Variants in CDH4 observed in about 807,000 individuals in gnomAD.
CDH4 encodes cadherin 4, also known as cadherin-4.
CDH4 carries 33 observed loss-of-function variants against 86.0 expected under a neutral mutation model. That is an observed-to-expected ratio of 0.38 (90% CI 0.29 to 0.51). The LOEUF is 0.51. Among genes scored for constraint, CDH4 ranks in the 20% least tolerant of loss-of-function variants. CDH4 has a pLI of 0.86. For synonymous variants in CDH4, 555 were observed against 549.4 expected (o/e 1.01, Z -0.14); for missense variants, 1,114 against 1,307.4 (o/e 0.85, Z 2.28).
chr20:61,459,849 A>G (rs1389931067), intron 2 of CDH4, among the ~76,000 whole-genome samples: 1 of 151,664 alleles, frequency 6.6e-6, no homozygotes, highest in Non-Finnish European at 1.5e-5. Flanking sequence ...AGCTCCTTGA[A>G]CCCACACACC....
chr20:61,451,112 TC>T (rs1457895005), intron 2 of CDH4, among the ~76,000 whole-genome samples: 1 of 109,150 alleles, frequency 9.2e-6, no homozygotes, highest in Non-Finnish European at 1.8e-5. Context: ...GCTTTTTCCC[TC>T]CCTCTCACGC....
chr20:61,375,688 A>G (rs1403032684), intron 2 of CDH4, among the ~76,000 whole-genome samples: 5 of 128,298 alleles, frequency 3.9e-5, no homozygotes, highest in Admixed American at 2.3e-4. Context: ...TGGTAGTGTG[A>G]TGGTCTTGGT....
chr20:61,701,108 C>T (rs529606144), intron 2 of CDH4, among the ~76,000 whole-genome samples: 1 of 152,188 alleles, frequency 6.6e-6, no homozygotes. Flanking sequence ...CCAGGCCTCT[C>T]TCCTCGGCTT....
chr20:61,796,440 C>T (rs7261632), intron 4 of CDH4, among the ~76,000 whole-genome samples: 22,260 of 152,148 alleles, frequency 0.15, 1,731 homozygotes, highest in East Asian at 0.24. Context: ...CCCCCAGCCC[C>T]GCGTCCTACA....
chr20:61,681,787 C>T lies in CDH4; in HGVS notation c.170-61776C>T, dbSNP rs1446841943. Reference sequence around the variant, plus strand: ...TGTGTTCTCAGGCCCGTGCAGCTGACATTCCTTTGGCTTCCTGGTGATGGA... The same window carrying T: ...TGTGTTCTCAGGCCCGTGCAGCTGATATTCCTTTGGCTTCCTGGTGATGGA... On this transcript the variant is annotated intron_variant, in intron 2 of 15. Transcript: ENST00000614565. This position sits in a 1 kb window ranked among gnomAD's most constrained non-coding sequence, Gnocchi z 4.5. 1.3e-5 allele frequency among the ~76,000 whole-genome samples: 2 copies of T among 152,192 alleles called. No individual in the cohort carries two copies. Among genetic ancestry groups the T allele is most frequent in the African/African-American group, 2.4e-5 (1 of 41,456 alleles).
chr20:61,488,491 G>A (rs1234962591), intron 2 of CDH4, among the ~76,000 whole-genome samples: 1 of 152,188 alleles, frequency 6.6e-6, no homozygotes, highest in Non-Finnish European at 1.5e-5. Flanking sequence ...TGTTTCCACT[G>A]GAGTGAATTA....
At chr20:61,358,417 C>CAT (rs903917495) in intron 2 of CDH4, among the ~76,000 whole-genome samples, 4 of 152,224 alleles carry the variant, frequency 2.6e-5, no homozygotes, top group African/African-American at 9.6e-5. Flanking sequence ...ATTTCTTTGC[C>CAT]ATATCCCCAA....
intron 2 of CDH4, among the ~76,000 whole-genome samples, chr20:61,256,149 G>A (rs2084096780): frequency 1.3e-5 from 2 of 152,122 alleles, no homozygotes; most frequent in East Asian, 3.9e-4. Flanking sequence ...TTTCAGGATC[G>A]TTTGGTTTAC....
chr20:61,635,139 C>T lies in CDH4; in HGVS notation c.170-108424C>T, dbSNP rs369531672. On this transcript the variant is annotated intron_variant, in intron 2 of 15. Transcript: ENST00000614565. ...CTCTCTTCGGGTCCTGCTTCCTGTT[C>T]CTTACGATGTCTGCTGAGAAGTTGA... is the stretch of plus-strand genomic sequence containing the variant. Among the ~76,000 whole-genome samples, 197 of 152,206 alleles carry T rather than the reference C, an allele frequency of 1.3e-3. 5 individuals carry two copies. In the South Asian group the frequency reaches 0.037, roughly 29 times the overall value.
chr20:61,595,711 GGCC>G (rs1194597663), intron 2 of CDH4, among the ~76,000 whole-genome samples: 18 of 152,148 alleles, frequency 1.2e-4, no homozygotes, highest in Admixed American at 1.2e-3. Flanking sequence ...TACTAGAGGC[GGCC>G]CGTCTGTCTA....
At chr20:61,442,123 A>G (rs1034423928) in intron 2 of CDH4, among the ~76,000 whole-genome samples, 1 of 152,200 alleles carries the variant, frequency 6.6e-6, no homozygotes, top group Non-Finnish European at 1.5e-5. Flanking sequence ...AAGTGCATCT[A>G]TTTAGCATGA....
rs575719272 is a variant in CDH4, at chr20:61,370,328, C to G, written c.169+115391C>G. Reference sequence around the variant, plus strand: ...CCTCTGCATGCCTTCAAGGAGCTCCCGGCTCTGGGATCCATGCAGAGGAGA... The same window carrying G: ...CCTCTGCATGCCTTCAAGGAGCTCCGGGCTCTGGGATCCATGCAGAGGAGA... On this transcript the variant is annotated intron_variant, in intron 2 of 15. Transcript: ENST00000614565. 3.3e-5 allele frequency: 5 copies of G among 152,434 alleles called. No homozygotes were observed. The East Asian group carries it at 9.7e-4, about 29-fold the overall frequency. The allele number at this position is 152,434 out of a possible 1,614,324, so 9.4% of individuals were successfully genotyped here. A position where few individuals can be genotyped will look rare whatever the true frequency, so the allele number is the denominator to read the frequency against.
At chr20:61,599,925 C>CT (rs1173694071) in intron 2 of CDH4, 115 of 985,372 alleles carry the variant, frequency 1.2e-4, no homozygotes, top group Non-Finnish European at 1.3e-4. Context: ...GGAAGGAGTC[C>CT]CAGCCACAGG....
chr20:61,324,533 GC>G (rs1352439539), intron 2 of CDH4, among the ~76,000 whole-genome samples: 2 of 152,058 alleles, frequency 1.3e-5, no homozygotes, highest in Admixed American at 1.3e-4. Flanking sequence ...TCATCACGTG[GC>G]CTCTTCCTGG....
At chr20:61,726,083 C>T (rs1057157670) in intron 2 of CDH4, among the ~76,000 whole-genome samples, 1 of 151,988 alleles carries the variant, frequency 6.6e-6, no homozygotes, top group Non-Finnish European at 1.5e-5. Context: ...CCAGCCACCA[C>T]GACCAGGGCC....
In CDH4 at chr20:61,854,552, C is replaced by G. The variant is rs376117870; in HGVS notation, c.877+1654C>G. Among the ~76,000 whole-genome samples the G allele has an allele frequency of 4.0e-5, 4 of 101,124 alleles. No individual in the cohort carries two copies. In the Admixed American group the frequency reaches 4.1e-4, roughly 10 times the overall value. The allele number at this position is 101,124 out of a possible 152,430, so 66.3% of individuals were successfully genotyped here. A position where few individuals can be genotyped will look rare whatever the true frequency, so the allele number is the denominator to read the frequency against. Reference sequence around the variant, plus strand: ...TGAACAGGGTGAATTGTGCCTTTGGCCCACCCCCAGGGCTGCAGTGTGAAC... The same window carrying G: ...TGAACAGGGTGAATTGTGCCTTTGGGCCACCCCCAGGGCTGCAGTGTGAAC... On this transcript the variant is annotated intron_variant, in intron 6 of 15. Coordinates refer to ENST00000614565, the MANE Select transcript of CDH4 (RefSeq NM_001794.5).
Position 61,936,888 on chromosome 20 carries a change from G to T in CDH4, c.2696G>T (p.Trp899Leu). The T allele has an allele frequency of 6.2e-7, 1 of 1,602,120 alleles. No individual in the cohort carries two copies. Among genetic ancestry groups the T allele is most frequent in the Non-Finnish European group, 8.5e-7 (1 of 1,174,474 alleles). Residue 899 changes from tryptophan (W) to leucine (L), a missense_variant, in exon 16 of 16, where the codon TGG (tryptophan) becomes TTG (leucine). By Grantham distance (61) the Trp-to-Leu change is moderately conservative. Around this residue, in one of 3 missense-constraint regions of CDH4, gnomAD observed 188 missense variants for 183.8 expected, o/e 1.02. Coordinates refer to ENST00000614565, the MANE Select transcript of CDH4 (RefSeq NM_001794.5). ...CAAGACTACGATTACCTCAACGACT[G>T]GGGGCCCAGATTCAAGAAGCTGGCG... ...GDQDYDYLNDWGPRFKKLADM... is the reference protein window; with the variant it reads ...GDQDYDYLNDLGPRFKKLADM...
At chr20:61,783,335 A>G (rs1978646628) in intron 4 of CDH4, among the ~76,000 whole-genome samples, 1 of 152,250 alleles carries the variant, frequency 6.6e-6, no homozygotes, top group Non-Finnish European at 1.5e-5. Flanking sequence ...ATTTTTGCCC[A>G]CAACCTTTCC....
intron 2 of CDH4, among the ~76,000 whole-genome samples, chr20:61,455,610 C>T (rs1488980562): frequency 6.6e-6 from 1 of 152,232 alleles, no homozygotes; most frequent in Admixed American, 6.5e-5. Flanking sequence ...AGCGACTAGC[C>T]AGCCACATGT....
Sources: allele counts gnomAD v4.1 joint callset (sites outside exome capture counted in the v4.1 genomes callset), GRCh38; gene constraint gnomAD v4.1.1; regional missense constraint gnomAD v4.1.1; non-coding constraint Gnocchi (gnomAD v3.1); transcripts MANE v1.5; gene names NCBI Gene and HGNC (gene_info 2026-07-23, HGNC 2026-07-21).